Variants in ITFG1 observed in about 807,000 individuals in gnomAD.
The protein encoded by ITFG1 is T-cell immunomodulatory protein.
In ITFG1, 34 loss-of-function variants were observed where a neutral mutation model predicts 81.8. The observed-to-expected ratio is 0.42, with a 90% confidence interval of 0.32 to 0.55. ITFG1 has a LOEUF of 0.55. Ranked by LOEUF, ITFG1 falls within the 20% of genes least tolerant of loss-of-function variation. The probability of loss-of-function intolerance (pLI) is 0.17; values close to 1 mark genes in which losing one functional copy is unlikely to be tolerated. For synonymous variants in ITFG1, 285 were observed against 270.6 expected (o/e 1.05, Z -0.52); for missense variants, 672 against 755.4 (o/e 0.89, Z 1.29).
At chr16:47,368,124 C>A (rs1476934708) in intron 7 of ITFG1, among the ~76,000 whole-genome samples, 1 of 151,740 alleles carries the variant, frequency 6.6e-6, no homozygotes, top group Non-Finnish European at 1.5e-5. Flanking sequence ...GTCCCAGATA[C>A]TCAGGAGGCT....
At chr16:47,262,468 T>C (rs1040448503) in intron 10 of ITFG1, among the ~76,000 whole-genome samples, 6 of 152,230 alleles carry the variant, frequency 3.9e-5, no homozygotes, top group African/African-American at 9.6e-5. Flanking sequence ...TATTAGAAGA[T>C]TGTATTAAAA....
chr16:47,196,880 A>C (rs1038092682), intron 14 of ITFG1, among the ~76,000 whole-genome samples: 2 of 152,174 alleles, frequency 1.3e-5, no homozygotes, highest in Admixed American at 6.5e-5. Flanking sequence ...CAGTGAGCCG[A>C]GATTGTGCCA....
At chr16:47,341,639 G>A (rs964531450) in intron 8 of ITFG1, among the ~76,000 whole-genome samples, 3 of 151,766 alleles carry the variant, frequency 2.0e-5, no homozygotes, top group African/African-American at 7.3e-5. Context: ...TAAAGAAAAC[G>A]GGATAGACAG....
At chr16:47,438,810 C>T (rs1969205321) in intron 5 of ITFG1, among the ~76,000 whole-genome samples, 2 of 152,170 alleles carry the variant, frequency 1.3e-5, no homozygotes, top group Admixed American at 1.3e-4. Flanking sequence ...AGCTCCTCAT[C>T]AGCAATGGAA....
intron 13 of ITFG1, among the ~76,000 whole-genome samples, chr16:47,226,214 T>TTTG (rs1251100294): frequency 4.6e-5 from 7 of 152,192 alleles, no homozygotes; most frequent in Admixed American, 2.6e-4. Context: ...AAATAACTTT[T>TTTG]TTGTGTGTGT....
chr16:47,163,218 C>T (rs1252553569), intron 14 of ITFG1, among the ~76,000 whole-genome samples: 1 of 152,160 alleles, frequency 6.6e-6, no homozygotes, highest in East Asian at 1.9e-4. Flanking sequence ...AATTGTTCAG[C>T]CATCACCACA....
intron 13 of ITFG1, among the ~76,000 whole-genome samples, chr16:47,220,777 TG>T (rs1965681060): frequency 6.6e-6 from 1 of 152,110 alleles, no homozygotes; most frequent in Non-Finnish European, 1.5e-5. Context: ...TATATTTTAG[TG>T]TAACAGAGTA....
chr16:47,266,680 G>C (rs1229080279), intron 10 of ITFG1, among the ~76,000 whole-genome samples: 1 of 152,172 alleles, frequency 6.6e-6, no homozygotes, highest in African/African-American at 2.4e-5. Context: ...GTTAAAATTT[G>C]ACACAGGATT....
intron 14 of ITFG1, among the ~76,000 whole-genome samples, chr16:47,163,357 G>A (rs1228933479): frequency 6.6e-6 from 1 of 152,126 alleles, no homozygotes; most frequent in Non-Finnish European, 1.5e-5. Context: ...CAATAGATTT[G>A]CCTATTCTGA....
At chr16:47,409,535 C>A (rs1968782582) in intron 6 of ITFG1, among the ~76,000 whole-genome samples, 1 of 146,798 alleles carries the variant, frequency 6.8e-6, no homozygotes, top group African/African-American at 2.5e-5. Flanking sequence ...CCCGCCTCAG[C>A]CTCCTGAGTA....
chr16:47,421,412 C>T (rs2151606772), intron 6 of ITFG1, among the ~76,000 whole-genome samples: 1 of 152,122 alleles, frequency 6.6e-6, no homozygotes, highest in East Asian at 1.9e-4. Flanking sequence ...TCAAGCGATT[C>T]TCCTGCCTCA....
At chr16:47,299,801 A>G (rs1486648142) in intron 10 of ITFG1, 1 of 152,270 alleles carries the variant, frequency 6.6e-6, no homozygotes, top group African/African-American at 2.4e-5. Flanking sequence ...ACCCCAGGCC[A>G]TAAAACTGTG....
chr16:47,156,313 C>T (rs1302263023), intron 17 of ITFG1, among the ~76,000 whole-genome samples: 2 of 152,102 alleles, frequency 1.3e-5, no homozygotes, highest in Admixed American at 6.5e-5. Flanking sequence ...GTGGTGGGCA[C>T]CTGTAATCAC....
intron 5 of ITFG1, among the ~76,000 whole-genome samples, chr16:47,438,636 A>T (rs891136906): frequency 1.3e-5 from 2 of 152,228 alleles, no homozygotes; most frequent in African/African-American, 4.8e-5. Context: ...TGACTGTTAG[A>T]AGGGAAACTA....
chr16:47,443,383 A>C (rs1486079712), intron 5 of ITFG1, among the ~76,000 whole-genome samples: 11 of 152,114 alleles, frequency 7.2e-5, no homozygotes, highest in African/African-American at 1.7e-4. Flanking sequence ...TTTGACCCAG[A>C]CGTCCCATTA....
At chr16:47,452,201 C>T (rs1237150795) in intron 4 of ITFG1, among the ~76,000 whole-genome samples, 1 of 152,086 alleles carries the variant, frequency 6.6e-6, no homozygotes, top group African/African-American at 2.4e-5. Context: ...AAGAATGTGG[C>T]CAAACTTTGC....
At chr16:47,389,971 A>T (rs993208380) in intron 6 of ITFG1, among the ~76,000 whole-genome samples, 4 of 152,256 alleles carry the variant, frequency 2.6e-5, no homozygotes, top group African/African-American at 9.6e-5. Context: ...AAACAAGTTC[A>T]CCAAAAGACA....
chr16:47,358,566 CT>C, intron 8 of ITFG1, among the ~76,000 whole-genome samples: 1 of 152,106 alleles, frequency 6.6e-6, no homozygotes. Flanking sequence ...AATCACTTAA[CT>C]TTAATCAAAA....
intron 8 of ITFG1, among the ~76,000 whole-genome samples, chr16:47,348,578 G>A (rs534443665): frequency 5.9e-5 from 9 of 152,312 alleles, no homozygotes; most frequent in South Asian, 4.1e-4. Flanking sequence ...CCAAATCTAC[G>A]TCTGAATGGT....
Sources: allele counts gnomAD v4.1 joint callset (sites outside exome capture counted in the v4.1 genomes callset), GRCh38; gene constraint gnomAD v4.1.1; transcripts MANE v1.5; gene names NCBI Gene and HGNC (gene_info 2026-07-23, HGNC 2026-07-21).